The following SSX5 variants were observed in gnomAD, a reference collection of about 807,000 sequenced individuals.
The protein encoded by SSX5 is protein SSX5.
Under a neutral mutation model 14.9 loss-of-function variants are expected in SSX5, and 14 were observed. That is an observed-to-expected ratio of 0.94 (90% CI 0.62 to 1.47). The LOEUF (loss-of-function observed/expected upper bound fraction) is 1.47, where lower values mean the gene tolerates loss of function less well. SSX5 is among the 40% of genes most tolerant of loss of function. The pLI, the probability that SSX5 is intolerant of heterozygous loss-of-function variation, is 0.00. For missense variants in SSX5, 204 were observed against 154.6 expected, an observed-to-expected ratio of 1.32 and a Z score of -1.70; for synonymous variants, 70 against 55.4, an observed-to-expected ratio of 1.26 and a Z score of -1.17.
chrX:48,195,347 G>C lies in SSX5; in HGVS notation c.12C>G (p.Asp4Glu), dbSNP rs147678026. Reference sequence around the variant, plus strand: ...CCCTAGGTCTCCGTACAAAGGCATCGTCTCCGTTCATGGCACCGGGAGCAC... The same window carrying C: ...CCCTAGGTCTCCGTACAAAGGCATCCTCTCCGTTCATGGCACCGGGAGCAC... MNG[D>E]DAFVRRPRVG... The change falls in exon 2 of 8, where the codon GAC becomes GAG. Residue 4 changes from aspartate to glutamate, a missense_variant. Physicochemically the swap from Asp to Glu is conservative, Grantham distance 45 (BLOSUM62 2). Transcript: ENST00000347757. 5.8e-6 allele frequency: 7 copies of C among 1,211,529 alleles called. No individual in the cohort carries two copies. Among genetic ancestry groups the C allele is most frequent in the South Asian group, 1.8e-5 (1 of 56,940 alleles).
intron 1 of SSX5, 87 bp from the exon 2 acceptor site, chrX:48,195,465 T>C (rs2059437517): frequency 2.2e-6 from 2 of 911,603 alleles, no homozygotes; most frequent in East Asian, 6.2e-5. Context: ...CCACACTCAG[T>C]CACCTGGAAT....
intron 5 of SSX5, among the ~76,000 whole-genome samples, chrX:48,190,789 G>A (rs1363861354): frequency 9.0e-6 from 1 of 111,538 alleles, no homozygotes; most frequent in Non-Finnish European, 1.9e-5. Context: ...AAAGAAAGCA[G>A]TACCAGATCT....
rs1327257757 is a variant in SSX5, at chrX:48,186,403, T to TGTGTGTGCGCGCGC, written c.*457_*458insGCGCGCGCACACAC. On this transcript the variant is annotated 3_prime_UTR_variant, in exon 8 of 8. Coordinates refer to ENST00000347757, the MANE Select transcript of SSX5 (RefSeq NM_175723.2). Reference sequence around the variant, plus strand: ...GTGTGTGTGTGTGTGTGTGTGTGTGTGCGCGCGCGCGCGCATGTGTGTCTG... The same window carrying TGTGTGTGCGCGCGC: ...GTGTGTGTGTGTGTGTGTGTGTGTGTGTGTGTGCGCGCGCGCGCGCGCGCGCGCATGTGTGTCTG... The TGTGTGTGCGCGCGC allele has an allele frequency of 1.6e-5, 2 of 126,228 alleles. No homozygotes were observed. Among genetic ancestry groups the TGTGTGTGCGCGCGC allele is most frequent in the African/African-American group, 8.0e-5 (2 of 24,995 alleles). The allele number at this position is 126,228 out of a possible 1,213,427, so 10.4% of individuals were successfully genotyped here. A position where few individuals can be genotyped will look rare whatever the true frequency, so the allele number is the denominator to read the frequency against.
At chrX:48,189,276 C>A (rs1293312008) in intron 6 of SSX5, among the ~76,000 whole-genome samples, 1 of 112,316 alleles carries the variant, frequency 8.9e-6, no homozygotes, top group African/African-American at 3.2e-5. Flanking sequence ...ACTTTCATAG[C>A]TAGAGAGCAT....
intron 3 of SSX5, 48 bp downstream of exon 3, chrX:48,194,692 G>T (rs1454607860): frequency 8.8e-7 from 1 of 1,133,622 alleles, no homozygotes; most frequent in Non-Finnish European, 1.2e-6. Context: ...GCTGGAAAAG[G>T]GATGCTCATG....
chrX:48,190,725 T>A (rs1307874988), intron 5 of SSX5, among the ~76,000 whole-genome samples: 4 of 110,475 alleles, frequency 3.6e-5, no homozygotes, highest in Admixed American at 9.7e-5. Context: ...TGGGGAGATG[T>A]ATACAGGGAA....
Position 48,188,291 on chromosome X carries a change from A to T in SSX5, c.467-560T>A, listed in dbSNP as rs1358033882. Among the ~76,000 whole-genome samples the T allele has an allele frequency of 2.7e-5, 3 of 112,211 alleles. No homozygotes were observed. The East Asian group carries it at 8.3e-4, about 31-fold the overall frequency. On this transcript the variant is annotated intron_variant, in intron 6 of 7. Coordinates refer to ENST00000347757, the MANE Select transcript of SSX5 (RefSeq NM_175723.2). ...CACAGTAGGTGTATATACTTATGGG[A>T]TACATGAGACGTTTTGATACAGGCA...
rs1263240414 is a variant in SSX5 at position 48,186,802 on chromosome X, G to A, written c.*59C>T. On this transcript the variant is annotated 3_prime_UTR_variant, in exon 8 of 8. Transcript: ENST00000347757. ...GGGATCCGCAGCCATGCCCATGTTCGTGAAAGGTCACCACGTTCTGCTTCT... is the reference window on the plus strand; with the variant it reads ...GGGATCCGCAGCCATGCCCATGTTCATGAAAGGTCACCACGTTCTGCTTCT... 7.5e-6 allele frequency: 9 copies of A among 1,196,164 alleles called. No individual in the cohort carries two copies. The highest frequency in any genetic ancestry group is 7.1e-5 in the South Asian group (4 of 56,722).
At chrX:48,195,167 G>A (rs782470132) in intron 2 of SSX5, 123 bp downstream of exon 2, 23 of 1,210,887 alleles carry the variant, frequency 1.9e-5, no homozygotes, top group Non-Finnish European at 2.2e-5. Context: ...GGCTCCCAAG[G>A]TTCCAGATGT....
rs61004107 is a variant in SSX5 at position 48,186,365 on chromosome X, GGTGTGTGT to G, written c.*488_*495del. On this transcript the variant is annotated 3_prime_UTR_variant, in exon 8 of 8. Coordinates refer to ENST00000347757, the MANE Select transcript of SSX5 (RefSeq NM_175723.2). ...TTGGGAGATGCCTATACTGGTACTT[GGTGTGTGT>G]GTGTGTGTGTGTGTGTGTGTGTGTG... The G allele has an allele frequency of 8.7e-4, 114 of 130,286 alleles. No homozygotes were observed. Among genetic ancestry groups the G allele is most frequent in the African/African-American group, 2.2e-3 (55 of 24,933 alleles). The allele number at this position is 130,286 out of a possible 1,213,427, so 10.7% of individuals were successfully genotyped here.
In SSX5 at chrX:48,194,068, G is replaced by A. The variant is rs782101065; in HGVS notation, c.280+61C>T. 7.5e-5 allele frequency: 87 copies of A among 1,161,918 alleles called. No homozygotes were observed. The African/African-American group carries it at 1.3e-3, about 17-fold the overall frequency. On this transcript the variant is annotated intron_variant, in intron 4 of 7. Transcript: ENST00000347757. The stretch of plus-strand genomic sequence containing the variant: ...AATGCCTGAGGATCTTTCCCAGGTA[G>A]CTGAGCTGAAAAGCAGTTGCGCTTG...
At chrX:48,187,016 C>T (rs781982565) in intron 7 of SSX5, among the ~76,000 whole-genome samples, 160 bp from the exon 8 acceptor site, 2 of 111,771 alleles carry the variant, frequency 1.8e-5, no homozygotes, top group Non-Finnish European at 3.8e-5. Context: ...GAACCATCTG[C>T]TCATACCACA....
intron 2 of SSX5, 152 bp downstream of exon 2, chrX:48,195,138 T>A (rs2059435631): frequency 9.9e-6 from 12 of 1,209,745 alleles, no homozygotes; most frequent in Non-Finnish European, 7.8e-6. Flanking sequence ...TGCTAGGTGA[T>A]GACAGAGCGA....
rs1556924545 is a variant in SSX5 at position 48,190,265 on chromosome X, T to A, written c.334A>T (p.Thr112Ser). The A allele has an allele frequency of 2.5e-6, 3 of 1,199,573 alleles. No individual in the cohort carries two copies. The highest frequency in any genetic ancestry group is 6.0e-5 in the East Asian group (2 of 33,612). The stretch of plus-strand genomic sequence containing the variant: ...CCTTCCTCTGCTGGCTTCTCGGGCG[T>A]GATCTTTATAATGTGAAGGTCACAG... ...GRLQGIFPKI[T>S]PEKPAEEGND... The change falls in exon 6 of 8, where the codon ACG (threonine) becomes TCG (serine). Residue 112 changes from threonine (T) to serine (S), a missense_variant. Coordinates refer to ENST00000347757, the MANE Select transcript of SSX5 (RefSeq NM_175723.2).
Position 48,192,184 on chromosome X carries a change from G to A in SSX5, c.330+48C>T, listed in dbSNP as rs138121338. 7.1e-4 allele frequency: 862 copies of A among 1,206,497 alleles called. 5 individuals are homozygous for A. The African/African-American group carries it at 0.013, about 18-fold the overall frequency. On this transcript the variant is annotated intron_variant, in intron 5 of 7. Transcript: ENST00000347757. ...TCCCACTCTTACAGGGTTCACATTC[G>A]TGAAGGGACAAAGGTTCTCTGGTCC...
At chrX:48,193,290 T>G (rs2059427192) in intron 4 of SSX5, among the ~76,000 whole-genome samples, 1 of 109,899 alleles carries the variant, frequency 9.1e-6, no homozygotes, top group East Asian at 2.8e-4. Flanking sequence ...TTTTCTTAAC[T>G]GTCCTTTGAT....
At chrX:48,195,449 G>T (rs1556925671) in intron 1 of SSX5, 71 bp from the exon 2 acceptor site, 2 of 1,024,558 alleles carry the variant, frequency 2.0e-6, no homozygotes, top group Non-Finnish European at 2.7e-6. Flanking sequence ...AATCAGTGAA[G>T]TCTGGCCACA....
chrX:48,190,231 G>C lies in SSX5; in HGVS notation c.368C>G (p.Ser123Trp), dbSNP rs1556924528. 1 of 1,205,942 alleles carries C rather than the reference G, an allele frequency of 8.3e-7. No homozygotes were observed. The highest frequency in any genetic ancestry group is 2.2e-5 in the Admixed American group (1 of 45,110). The change falls in exon 6 of 8, where the codon TCG becomes TGG. Residue 123 changes from serine to tryptophan, a missense_variant. Coordinates refer to ENST00000347757, the MANE Select transcript of SSX5 (RefSeq NM_175723.2). The stretch of plus-strand genomic sequence containing the variant: ...GCCAGATGCTTCTGGCACTCCCTTC[G>C]AATCATTTCCTTCCTCTGCTGGCTT... Reference protein sequence around the residue: ...PEKPAEEGNDSKGVPEASGPQ... With the variant: ...PEKPAEEGNDWKGVPEASGPQ...
intron 4 of SSX5, among the ~76,000 whole-genome samples, 179 bp downstream of exon 4, chrX:48,193,950 A>G (rs2059429698): frequency 9.3e-6 from 1 of 107,630 alleles, no homozygotes; most frequent in South Asian, 4.1e-4. Context: ...CTTGTTTTGC[A>G]TGTTTTAAAA....
Sources: gnomAD v4.1 joint callset for allele counts (sites outside exome capture counted in the v4.1 genomes callset) on GRCh38, gnomAD v4.1.1 for gene constraint, MANE v1.5 for transcripts, NCBI Gene and HGNC (gene_info 2026-07-23, HGNC 2026-07-21) for gene names.